XPR1: variants seen among roughly 807,000 people sequenced by gnomAD.
The protein encoded by XPR1 is solute carrier family 53 member 1.
Under a neutral mutation model 87.5 loss-of-function variants are expected in XPR1, and 28 were observed. That is an observed-to-expected ratio of 0.32 (90% CI 0.24 to 0.44). The LOEUF (loss-of-function observed/expected upper bound fraction) is 0.44. XPR1 is among the 20% of genes least tolerant of loss of function. The pLI, the probability that XPR1 is intolerant of heterozygous loss-of-function variation, is 1.00. For synonymous variants in XPR1, 300 were observed against 306.1 expected, an observed-to-expected ratio of 0.98 and a Z score of 0.21; for missense variants, 559 against 862.3, an observed-to-expected ratio of 0.65 and a Z score of 4.41.
intron 1 of XPR1, among the ~76,000 whole-genome samples, chr1:180,655,400 C>CTTTTTTT (rs994780324): frequency 7.6e-6 from 1 of 131,450 alleles, no homozygotes; most frequent in African/African-American, 2.9e-5. Context: ...CTCTCTCTCT[C>CTTTTTTT]TTTTTTTTTT....
At chr1:180,637,253 G>A (rs1470181677) in intron 1 of XPR1, among the ~76,000 whole-genome samples, 2 of 152,086 alleles carry the variant, frequency 1.3e-5, no homozygotes, top group African/African-American at 4.8e-5. Context: ...TTGTTTGTTC[G>A]CTTTGGCAGA....
chr1:180,776,468 A>T (rs1648721876), intron 2 of XPR1, among the ~76,000 whole-genome samples: 2 of 151,970 alleles, frequency 1.3e-5, no homozygotes, highest in African/African-American at 4.8e-5. Context: ...GTATAATGGA[A>T]ATTATACAAT....
At chr1:180,721,497 A>T (rs1230228251) in intron 2 of XPR1, among the ~76,000 whole-genome samples, 2 of 152,158 alleles carry the variant, frequency 1.3e-5, no homozygotes, top group African/African-American at 2.4e-5. Context: ...CCTGCCTTGG[A>T]TTTGAGCCAG....
intron 1 of XPR1, among the ~76,000 whole-genome samples, chr1:180,667,220 A>T (rs1012873053): frequency 1.3e-5 from 2 of 152,090 alleles, no homozygotes; most frequent in Non-Finnish European, 2.9e-5. Flanking sequence ...GTCAAATTTC[A>T]GTCTTTCACC....
chr1:180,749,460 T>G (rs1647430354), intron 2 of XPR1, among the ~76,000 whole-genome samples: 2 of 152,156 alleles, frequency 1.3e-5, no homozygotes, highest in Admixed American at 6.5e-5. Flanking sequence ...GGACCTATAC[T>G]CATTCATTAG....
intron 2 of XPR1, among the ~76,000 whole-genome samples, chr1:180,718,066 A>G (rs577161519): frequency 1.3e-5 from 2 of 152,340 alleles, no homozygotes; most frequent in South Asian, 4.1e-4. Context: ...ATAAGATACA[A>G]CTTTAAAAAA....
chr1:180,775,316 G>T (rs1348268079), intron 2 of XPR1, among the ~76,000 whole-genome samples: 2 of 152,014 alleles, frequency 1.3e-5, no homozygotes, highest in Non-Finnish European at 2.9e-5. Flanking sequence ...GAGCACCATG[G>T]CTCCCACCTG....
intron 11 of XPR1, among the ~76,000 whole-genome samples, chr1:180,849,090 A>C (rs1224310755): frequency 6.6e-6 from 1 of 152,218 alleles, no homozygotes; most frequent in Non-Finnish European, 1.5e-5. Flanking sequence ...AATGACTAGA[A>C]TCACGATTAA....
At chr1:180,861,778 G>A (rs955772775) in intron 11 of XPR1, among the ~76,000 whole-genome samples, 3 of 152,070 alleles carry the variant, frequency 2.0e-5, no homozygotes, top group Non-Finnish European at 4.4e-5. Context: ...GCTCTTGGGT[G>A]GGAGTGGGGA....
chr1:180,666,753 A>G (rs1210765421), intron 1 of XPR1, among the ~76,000 whole-genome samples: 2 of 152,208 alleles, frequency 1.3e-5, no homozygotes, highest in African/African-American at 2.4e-5. Context: ...GTTTTTCTAC[A>G]TATAAAATTA....
At chr1:180,837,936 A>AT (rs1651360763) in intron 11 of XPR1, among the ~76,000 whole-genome samples, 1 of 152,202 alleles carries the variant, frequency 6.6e-6, no homozygotes, top group Admixed American at 6.5e-5. Flanking sequence ...CCAGGTAAAA[A>AT]TGAGTACTGT....
Position 180,873,947 on chromosome 1 carries a change from G to A in XPR1, c.1808+5G>A. 1 of 1,610,562 alleles carries A rather than the reference G, an allele frequency of 6.2e-7. No individual in the cohort carries two copies. The highest frequency in any genetic ancestry group is 8.5e-7 in the Non-Finnish European group (1 of 1,178,704). On this transcript the variant is annotated splice_donor_5th_base_variant and intron_variant, in intron 13 of 14. Transcript: ENST00000367590. ...TGCCCCACTTGAGGTTTTCCGGTAA[G>A]CAAACTACTGAAAAGTTTATTAAAG...
chr1:180,776,488 A>G (rs1228102935), intron 2 of XPR1, among the ~76,000 whole-genome samples: 1 of 152,068 alleles, frequency 6.6e-6, no homozygotes, highest in Non-Finnish European at 1.5e-5. Flanking sequence ...TTTCCATTAT[A>G]CAATTAAAAC....
At chr1:180,789,597 T>C (rs1649303029) in intron 3 of XPR1, among the ~76,000 whole-genome samples, 1 of 152,186 alleles carries the variant, frequency 6.6e-6, no homozygotes, top group African/African-American at 2.4e-5. Flanking sequence ...TTTTCCTTTT[T>C]TTTTGGAGAA....
At position 180,806,468 on chromosome 1, in the gene XPR1, T is replaced by G; in HGVS notation, c.598-6T>G. On this transcript the variant is annotated splice_polypyrimidine_tract_variant and splice_region_variant and intron_variant, in intron 5 of 14. Transcript: ENST00000367590. ...CTAACCAAAATGTAATAATTTGTCT[T>G]TCTAGGCTGTAGTGACCAATGAACT... The G allele has an allele frequency of 6.2e-7, 1 of 1,612,548 alleles. No individual in the cohort carries two copies. Among genetic ancestry groups the G allele is most frequent in the Non-Finnish European group, 8.5e-7 (1 of 1,178,960 alleles).
At chr1:180,660,292 T>C (rs1266131255) in intron 1 of XPR1, among the ~76,000 whole-genome samples, 1 of 152,100 alleles carries the variant, frequency 6.6e-6, no homozygotes, top group African/African-American at 2.4e-5. Context: ...GTCAATTTTG[T>C]TTATCTTTGC....
At chr1:180,678,719 T>C (rs976442451) in intron 1 of XPR1, among the ~76,000 whole-genome samples, 1 of 152,236 alleles carries the variant, frequency 6.6e-6, no homozygotes, top group African/African-American at 2.4e-5. Context: ...AATTTTTTAC[T>C]GTATATTATT....
intron 1 of XPR1, among the ~76,000 whole-genome samples, chr1:180,658,873 A>G (rs562541442): frequency 6.6e-6 from 1 of 152,112 alleles, no homozygotes; most frequent in East Asian, 1.9e-4. Flanking sequence ...CCGGCCGATC[A>G]TATGGTTTTT....
chr1:180,864,743 C>CA (rs1329532688), intron 12 of XPR1, among the ~76,000 whole-genome samples: 1 of 152,012 alleles, frequency 6.6e-6, no homozygotes, highest in African/African-American at 2.4e-5. Context: ...TATCTGTACT[C>CA]AGATATTTTA....
Sources: gnomAD v4.1 joint callset for allele counts (sites outside exome capture counted in the v4.1 genomes callset) on GRCh38, gnomAD v4.1.1 for gene constraint, MANE v1.5 for transcripts, NCBI Gene and HGNC (gene_info 2026-07-23, HGNC 2026-07-21) for gene names.